Variants in SND1 observed in about 807,000 individuals in gnomAD.
SND1 encodes staphylococcal nuclease domain-containing protein 1.
In SND1, 38 loss-of-function variants were observed where a neutral mutation model predicts 121.7. That is an observed-to-expected ratio of 0.31 (90% CI 0.24 to 0.41). The LOEUF (loss-of-function observed/expected upper bound fraction) is 0.41. SND1 is among the 10% of genes least tolerant of loss of function. The pLI, the probability that SND1 is intolerant of heterozygous loss-of-function variation, is 1.00. For synonymous variants in SND1, 401 were observed against 447.4 expected (o/e 0.90, Z 1.31); for missense variants, 868 against 1,184.6 (o/e 0.73, Z 3.92).
intron 15 of SND1, among the ~76,000 whole-genome samples, chr7:127,982,240 A>G (rs1802280536): frequency 1.3e-5 from 2 of 152,176 alleles, no homozygotes; most frequent in Admixed American, 1.3e-4. Context: ...CATTGTGAAG[A>G]CTTGGTTTTC....
intron 10 of SND1, among the ~76,000 whole-genome samples, chr7:127,792,061 A>G (rs1316575234): frequency 2.6e-5 from 4 of 152,344 alleles, no homozygotes; most frequent in East Asian, 3.9e-4. Context: ...TAATTTTTAT[A>G]TCTTGCACAT....
At chr7:128,035,607 C>G (rs1792736000) in intron 16 of SND1, among the ~76,000 whole-genome samples, 1 of 152,234 alleles carries the variant, frequency 6.6e-6, no homozygotes, top group Non-Finnish European at 1.5e-5. Context: ...CTCAGTTCCT[C>G]TAAGTAACAA....
chr7:127,851,281 TC>T (rs1289670623), intron 12 of SND1, among the ~76,000 whole-genome samples: 1 of 152,220 alleles, frequency 6.6e-6, no homozygotes, highest in African/African-American at 2.4e-5. Context: ...ACTGCACTGA[TC>T]CTTGGGAAGC....
At chr7:128,086,635 T>C (rs1489438440) in intron 20 of SND1, 1 of 429,358 alleles carries the variant, frequency 2.3e-6, no homozygotes, top group Non-Finnish European at 4.3e-6. Flanking sequence ...AGAAGGGCAT[T>C]GGGAGGAAAT....
At chr7:127,825,357 C>G (rs573206012) in intron 11 of SND1, among the ~76,000 whole-genome samples, 1 of 151,858 alleles carries the variant, frequency 6.6e-6, no homozygotes, top group South Asian at 2.1e-4. Context: ...GATCCACCTG[C>G]CTTGGCCTCC....
chr7:127,699,126 G>T (rs1460070214), intron 4 of SND1, among the ~76,000 whole-genome samples, 173 bp downstream of exon 4: 1 of 152,186 alleles, frequency 6.6e-6, no homozygotes, highest in Admixed American at 6.5e-5. Context: ...CACTAATGGT[G>T]TTTGAGGTAT....
chr7:127,916,247 A>G (rs928596593), intron 14 of SND1, among the ~76,000 whole-genome samples: 3 of 152,098 alleles, frequency 2.0e-5, no homozygotes, highest in Admixed American at 6.6e-5. Flanking sequence ...TGTGAGATCT[A>G]TTTTGGTATA....
At chr7:127,911,639 A>G (rs576424903) in intron 14 of SND1, among the ~76,000 whole-genome samples, 11 of 152,224 alleles carry the variant, frequency 7.2e-5, no homozygotes, top group African/African-American at 1.7e-4. Flanking sequence ...CTCCTGCCTC[A>G]GCCTCCTGAG....
chr7:128,084,717 C>T lies in SND1; in HGVS notation c.2111-7C>T. On this transcript the variant is annotated splice_polypyrimidine_tract_variant and splice_region_variant and intron_variant, in intron 18 of 23. Transcript: ENST00000354725. ...CCAGGTCTCACTGTGCTCTTCCTCC[C>T]TGGCAGGCACCCAGTTGGAGAAGCT... 6.2e-7 allele frequency: 1 copy of T among 1,603,666 alleles called. No homozygotes were observed.
chr7:127,885,526 A>AC (rs1421680917), intron 12 of SND1, among the ~76,000 whole-genome samples: 5 of 152,032 alleles, frequency 3.3e-5, no homozygotes, highest in African/African-American at 1.2e-4. Context: ...GGCCTCAGGA[A>AC]CTCCATATGG....
intron 1 of SND1, among the ~76,000 whole-genome samples, chr7:127,676,132 A>G (rs1795612335): frequency 6.6e-6 from 1 of 152,178 alleles, no homozygotes; most frequent in East Asian, 1.9e-4. Flanking sequence ...GTTTATTAGC[A>G]AGTACACTGG....
At chr7:127,694,709 C>T (rs959681522) in intron 2 of SND1, 119 bp from the exon 3 acceptor site, 16 of 1,157,782 alleles carry the variant, frequency 1.4e-5, no homozygotes, top group East Asian at 4.8e-5. Flanking sequence ...CAAGGTCCAG[C>T]GCAGGGCCAG....
chr7:128,047,135 A>G (rs1792962714), intron 16 of SND1, among the ~76,000 whole-genome samples: 1 of 152,218 alleles, frequency 6.6e-6, no homozygotes, highest in South Asian at 2.1e-4. Flanking sequence ...GCTACCCTCA[A>G]CTGCCAGAGG....
chr7:128,002,450 A>G (rs1392029533), intron 16 of SND1, among the ~76,000 whole-genome samples: 1 of 152,210 alleles, frequency 6.6e-6, no homozygotes, highest in Non-Finnish European at 1.5e-5. Flanking sequence ...GGAAAACCAA[A>G]GGTCTGGAGA....
intron 2 of SND1, 111 bp downstream of exon 2, chr7:127,686,873 A>G (rs1444924329): frequency 1.6e-6 from 2 of 1,253,354 alleles, no homozygotes; most frequent in East Asian, 2.4e-5. Context: ...GAGTATTTTT[A>G]TATCATAGAA....
intron 14 of SND1, among the ~76,000 whole-genome samples, chr7:127,906,593 T>C (rs1021538529): frequency 1.1e-4 from 17 of 152,184 alleles, no homozygotes; most frequent in Non-Finnish European, 2.4e-4. Flanking sequence ...CAAAAACTTA[T>C]GTGGGGCCCA....
intron 14 of SND1, among the ~76,000 whole-genome samples, chr7:127,909,877 T>C (rs1343614386): frequency 6.6e-6 from 1 of 152,228 alleles, no homozygotes; most frequent in Non-Finnish European, 1.5e-5. Flanking sequence ...GACTTGCTAA[T>C]GTGAAGGATT....
chr7:127,777,303 A>G (rs1797637991), intron 10 of SND1, among the ~76,000 whole-genome samples: 1 of 152,244 alleles, frequency 6.6e-6, no homozygotes, highest in Admixed American at 6.5e-5. Flanking sequence ...TAACTCTTGT[A>G]AAACTGAGAT....
chr7:127,886,885 G>A (rs1354491756), intron 12 of SND1, among the ~76,000 whole-genome samples: 4 of 144,998 alleles, frequency 2.8e-5, no homozygotes. Context: ...TTGCATTTGA[G>A]AATTACTTTG....
Sources: allele counts gnomAD v4.1 joint callset (sites outside exome capture counted in the v4.1 genomes callset), GRCh38; gene constraint gnomAD v4.1.1; transcripts MANE v1.5; gene names NCBI Gene and HGNC (gene_info 2026-07-23, HGNC 2026-07-21).